Variants in SPIN1 observed in about 807,000 individuals in gnomAD.
SPIN1 encodes spindlin 1.
Under a neutral mutation model 26.0 loss-of-function variants are expected in SPIN1, and 3 were observed. The observed-to-expected ratio is 0.12, with a 90% CI of 0.05 to 0.30. The LOEUF (loss-of-function observed/expected upper bound fraction) is 0.30, where lower values mean the gene tolerates loss of function less well. Ranked by LOEUF, SPIN1 falls within the 10% of genes least tolerant of loss-of-function variation. SPIN1 has a pLI of 1.00. For synonymous variants in SPIN1, 101 were observed against 116.5 expected (o/e 0.87, Z 0.86); for missense variants, 126 against 333.4 (o/e 0.38, Z 4.84).
chr9:88,437,175 G>A (rs1195667165), intron 2 of SPIN1, among the ~76,000 whole-genome samples: 2 of 151,992 alleles, frequency 1.3e-5, no homozygotes, highest in East Asian at 3.9e-4. Context: ...AAACATCTTG[G>A]TTGCTTCCAA....
chr9:88,428,469 A>G (rs1827803427), intron 2 of SPIN1, among the ~76,000 whole-genome samples: 1 of 152,198 alleles, frequency 6.6e-6, no homozygotes, highest in Non-Finnish European at 1.5e-5. Flanking sequence ...ACTTAGGATA[A>G]TGGCCTCTAG....
intron 2 of SPIN1, among the ~76,000 whole-genome samples, chr9:88,436,147 C>G (rs1827994396): frequency 6.6e-6 from 1 of 152,036 alleles, no homozygotes; most frequent in Non-Finnish European, 1.5e-5. Flanking sequence ...GTTGCCCAGG[C>G]TGGACTTCAG....
At chr9:88,396,004 G>T (rs147512715) in intron 1 of SPIN1, among the ~76,000 whole-genome samples, 1 of 151,702 alleles carries the variant, frequency 6.6e-6, no homozygotes, top group East Asian at 2.0e-4. Context: ...CTGAGATTGC[G>T]CCACTGCACT....
chr9:88,460,352 G>A (rs1315839554), intron 3 of SPIN1, among the ~76,000 whole-genome samples: 1 of 151,906 alleles, frequency 6.6e-6, no homozygotes, highest in Non-Finnish European at 1.5e-5. Flanking sequence ...TCAAATTATT[G>A]ATTCTTTACT....
chr9:88,418,797 C>G (rs1293451463), intron 1 of SPIN1: 1 of 152,176 alleles, frequency 6.6e-6, no homozygotes, highest in Non-Finnish European at 1.5e-5. Context: ...CTCGACAATG[C>G]TAGTTGCAGT....
At chr9:88,406,535 A>C (rs1227594783) in intron 1 of SPIN1, among the ~76,000 whole-genome samples, 1 of 151,506 alleles carries the variant, frequency 6.6e-6, no homozygotes, top group Non-Finnish European at 1.5e-5. Context: ...CTTGTAATCC[A>C]TCCACCTCGG....
chr9:88,454,621 T>G (rs973899662), intron 3 of SPIN1, among the ~76,000 whole-genome samples: 2 of 152,180 alleles, frequency 1.3e-5, no homozygotes, highest in Admixed American at 1.3e-4. Context: ...AAATATAGAG[T>G]AGTGTATCAT....
intron 2 of SPIN1, among the ~76,000 whole-genome samples, chr9:88,440,347 CAG>C (rs1008670371): frequency 3.3e-5 from 5 of 151,828 alleles, no homozygotes; most frequent in African/African-American, 1.2e-4. Context: ...AAAATAGAGA[CAG>C]AGTTTCACCA....
chr9:88,397,559 T>G (rs961222526), intron 1 of SPIN1, among the ~76,000 whole-genome samples: 4 of 152,082 alleles, frequency 2.6e-5, no homozygotes, highest in African/African-American at 9.7e-5. Flanking sequence ...TTGCACATTT[T>G]CATAAGATAA....
intron 1 of SPIN1, among the ~76,000 whole-genome samples, chr9:88,405,137 CTAAAA>C (rs1827269126): frequency 6.6e-6 from 1 of 152,070 alleles, no homozygotes; most frequent in Non-Finnish European, 1.5e-5. Context: ...TGAGTACAGA[CTAAAA>C]TAATGATTAA....
chr9:88,422,873 C>T (rs1168418985), intron 1 of SPIN1, among the ~76,000 whole-genome samples: 1 of 152,056 alleles, frequency 6.6e-6, no homozygotes, highest in Non-Finnish European at 1.5e-5. Flanking sequence ...CCATGCCTGG[C>T]TAATTTTTGT....
intron 1 of SPIN1, among the ~76,000 whole-genome samples, chr9:88,394,020 T>G (rs1214636806): frequency 6.6e-6 from 1 of 152,046 alleles, no homozygotes; most frequent in Non-Finnish European, 1.5e-5. Context: ...GCAAATTTTT[T>G]GTATTTTTAG....
intron 1 of SPIN1, chr9:88,391,658 T>A (rs1826922328): frequency 6.6e-6 from 1 of 152,196 alleles, no homozygotes; most frequent in African/African-American, 2.4e-5. Context: ...TTGGGATGAA[T>A]CTTCTGGTAG....
rs770351571 is a variant in SPIN1 at position 88,468,445 on chromosome 9, A to C, written c.429A>C (p.Thr143=). The change falls in exon 5 of 6, where the codon ACA becomes ACC. Residue 143 remains threonine (T), a synonymous_variant. Transcript: ENST00000375859. ...AAGCAGTGGAACATATGTTTGAGAC[A>C]GAGGATGGTTCTAAAGATGAGTGGA... ...IGKAVEHMFE[T]EDGSKDEWRG... 5 of 1,613,586 alleles carry C rather than the reference A, an allele frequency of 3.1e-6. No individual in the cohort carries two copies. In the South Asian group the frequency reaches 5.5e-5, roughly 18 times the overall value.
At chr9:88,457,961 C>T (rs1828503368) in intron 3 of SPIN1, 1 of 985,124 alleles carries the variant, frequency 1.0e-6, no homozygotes, top group Non-Finnish European at 1.2e-6. Flanking sequence ...TAGAATTAGC[C>T]AGGTAAGGTT....
chr9:88,408,362 CTTTTCCTT>C (rs1827355345), intron 1 of SPIN1, among the ~76,000 whole-genome samples: 1 of 126,076 alleles, frequency 7.9e-6, no homozygotes, highest in South Asian at 2.6e-4. Flanking sequence ...TTTGGTTTTT[CTTTTCCTT>C]TTTTTCTTTT....
chr9:88,421,622 C>T (rs1246619130), intron 1 of SPIN1, among the ~76,000 whole-genome samples: 1 of 133,874 alleles, frequency 7.5e-6, no homozygotes, highest in Non-Finnish European at 1.6e-5. Flanking sequence ...CCCCCCGCCC[C>T]AACAAACCGT....
intron 2 of SPIN1, among the ~76,000 whole-genome samples, chr9:88,443,130 A>AC (rs1564034382): frequency 6.6e-6 from 1 of 151,766 alleles, no homozygotes; most frequent in African/African-American, 2.4e-5. Flanking sequence ...AAAAAAAAAA[A>AC]AAAACAAAAA....
At chr9:88,406,897 G>GTCATT (rs1231795140) in intron 1 of SPIN1, among the ~76,000 whole-genome samples, 1 of 151,752 alleles carries the variant, frequency 6.6e-6, no homozygotes, top group Non-Finnish European at 1.5e-5. Context: ...TATTCACATT[G>GTCATT]TCATTATTGC....
Sources: allele counts gnomAD v4.1 joint callset (sites outside exome capture counted in the v4.1 genomes callset), GRCh38; gene constraint gnomAD v4.1.1; transcripts MANE v1.5; gene names NCBI Gene and HGNC (gene_info 2026-07-23, HGNC 2026-07-21).